Variants in RTKN2 observed in about 807,000 individuals in gnomAD.
RTKN2 encodes the protein rhotekin 2, also known as rhotekin-2.
Under a neutral mutation model 71.5 loss-of-function variants are expected in RTKN2, and 69 were observed. That is an observed-to-expected ratio of 0.96 (90% CI 0.79 to 1.18). The LOEUF (loss-of-function observed/expected upper bound fraction) is 1.18, where lower values mean the gene tolerates loss of function less well. Among genes scored for constraint, RTKN2 ranks in the 50% most tolerant of loss-of-function variants. The probability of loss-of-function intolerance (pLI) is 0.00; values close to 1 mark genes in which losing one functional copy is unlikely to be tolerated. For synonymous variants in RTKN2, 236 were observed against 236.5 expected (o/e 1.00, Z 0.02); for missense variants, 724 against 719.7 (o/e 1.01, Z -0.07).
intron 2 of RTKN2, among the ~76,000 whole-genome samples, chr10:62,254,317 ATTAG>A (rs1842635143): frequency 6.6e-6 from 1 of 151,956 alleles, no homozygotes; most frequent in African/African-American, 2.4e-5. Flanking sequence ...GCATTTCCCC[ATTAG>A]TTCGCTCGCT....
intron 7 of RTKN2, among the ~76,000 whole-genome samples, chr10:62,221,914 C>T (rs1400921746): frequency 6.6e-6 from 1 of 151,930 alleles, no homozygotes; most frequent in Non-Finnish European, 1.5e-5. Flanking sequence ...AAATTTAATG[C>T]CTATAAATCT....
At chr10:62,242,399 T>C (rs1842394811) in intron 3 of RTKN2, among the ~76,000 whole-genome samples, 1 of 152,200 alleles carries the variant, frequency 6.6e-6, no homozygotes, top group South Asian at 2.1e-4. Flanking sequence ...TACATTTTTA[T>C]TAAGGTTATT....
chr10:62,266,818 C>A (rs1461193018), intron 1 of RTKN2, among the ~76,000 whole-genome samples: 1 of 152,134 alleles, frequency 6.6e-6, no homozygotes, highest in Non-Finnish European at 1.5e-5. Context: ...GGCGGAATAC[C>A]CAAGCTACAA....
intron 2 of RTKN2, among the ~76,000 whole-genome samples, chr10:62,247,141 G>A (rs1416587322): frequency 6.6e-6 from 1 of 151,934 alleles, no homozygotes; most frequent in Non-Finnish European, 1.5e-5. Flanking sequence ...AAGACTGATG[G>A]GAGTTTGAAA....
chr10:62,262,874 A>T, intron 1 of RTKN2, 53 bp from the exon 2 acceptor site: 1 of 1,188,930 alleles, frequency 8.4e-7, no homozygotes, highest in Non-Finnish European at 1.2e-6. Flanking sequence ...ATTACATCTT[A>T]ACCCATAATA....
chr10:62,259,916 T>A (rs767778572), intron 2 of RTKN2, among the ~76,000 whole-genome samples: 3 of 152,232 alleles, frequency 2.0e-5, no homozygotes, highest in African/African-American at 4.8e-5. Flanking sequence ...CTATCCATCC[T>A]TCACAATCTA....
Position 62,202,004 on chromosome 10 carries a change from AT to A in RTKN2, c.1187-2144del, listed in dbSNP as rs563716864. Among the ~76,000 whole-genome samples, 15 of 152,234 alleles carry A rather than the reference AT, an allele frequency of 9.9e-5. No homozygotes were observed. The East Asian group carries it at 1.7e-3, about 18-fold the overall frequency. On this transcript the variant is annotated intron_variant, in intron 10 of 11. Transcript: ENST00000373789. ...TGTTATAGTGTTCCCAGTCAAAATA[AT>A]TTTTTATGCTAAGCTCCTAATGTAA...
chr10:62,233,223 T>C (rs1842187917), intron 6 of RTKN2, among the ~76,000 whole-genome samples: 1 of 152,282 alleles, frequency 6.6e-6, no homozygotes, highest in South Asian at 2.1e-4. Context: ...ATAGGAGCTT[T>C]GCTACTTAAA....
chr10:62,206,148 G>C (rs1841544409), intron 9 of RTKN2, among the ~76,000 whole-genome samples: 1 of 152,118 alleles, frequency 6.6e-6, no homozygotes, highest in African/African-American at 2.4e-5. Context: ...ATCTCGATCT[G>C]GACCAGCCAT....
chr10:62,186,050 T>C (rs1015337199), intron 8 of RTKN2, among the ~76,000 whole-genome samples: 1 of 152,228 alleles, frequency 6.6e-6, no homozygotes. Flanking sequence ...GGCTAGGATT[T>C]GAACCCAGGA....
intron 2 of RTKN2, among the ~76,000 whole-genome samples, chr10:62,258,708 A>C (rs916683664): frequency 2.0e-5 from 3 of 152,200 alleles, no homozygotes; most frequent in Non-Finnish European, 4.4e-5. Context: ...AAGAGAAACA[A>C]TGTTTTTATA....
At chr10:62,247,388 T>G in intron 2 of RTKN2, among the ~76,000 whole-genome samples, 1 of 151,948 alleles carries the variant, frequency 6.6e-6, no homozygotes, top group Non-Finnish European at 1.5e-5. Flanking sequence ...TATGAGATAT[T>G]TACATAGTAT....
chr10:62,254,203 GGGAGAGACCTGGT>G (rs1842632722), intron 2 of RTKN2, among the ~76,000 whole-genome samples: 1 of 152,196 alleles, frequency 6.6e-6, no homozygotes, highest in Non-Finnish European at 1.5e-5. Context: ...CCAGTGCTGG[GGGAGAGACCTGGT>G]GGGAGGTGAT....
chr10:62,191,609 T>G (rs1473223688), downstream of RTKN2, among the ~76,000 whole-genome samples: 1 of 152,174 alleles, frequency 6.6e-6, no homozygotes, highest in Non-Finnish European at 1.5e-5. Context: ...CAGACAGATT[T>G]ATGTTAGATA....
At chr10:62,250,426 A>T (rs1168482080) in intron 2 of RTKN2, among the ~76,000 whole-genome samples, 1 of 152,188 alleles carries the variant, frequency 6.6e-6, no homozygotes, top group African/African-American at 2.4e-5. Context: ...AAATTAACCA[A>T]CCAGCATCCC....
At chr10:62,186,747 C>A (rs897828111) in intron 8 of RTKN2, among the ~76,000 whole-genome samples, 1 of 138,982 alleles carries the variant, frequency 7.2e-6, no homozygotes, top group Non-Finnish European at 1.5e-5. Flanking sequence ...GTCAGAAAAA[C>A]ATTTTTTTTT....
intron 2 of RTKN2, among the ~76,000 whole-genome samples, chr10:62,256,248 C>G (rs1012767348): frequency 1.3e-5 from 2 of 152,104 alleles, no homozygotes; most frequent in African/African-American, 2.4e-5. Flanking sequence ...GTCTTGAACT[C>G]CTGGGCTACA....
chr10:62,196,409 C>A lies in RTKN2; in HGVS notation c.*1499G>T, dbSNP rs1188857844. 1.0e-6 allele frequency: 1 copy of A among 985,190 alleles called. No individual in the cohort carries two copies. The highest frequency in any genetic ancestry group is 6.2e-5 in the Admixed American group (1 of 16,242). The allele number at this position is 985,190 out of a possible 1,614,324, so 61.0% of individuals were successfully genotyped here. ...CACAAGAAACCTTTTGTTATCATTA[C>A]TCCCTCAAGATTCAATTCTTACTAG... On this transcript the variant is annotated 3_prime_UTR_variant, in exon 12 of 12. Transcript: ENST00000373789.
At position 62,198,267 on chromosome 10, in the gene RTKN2, T is replaced by C. The variant is rs1240286634; in HGVS notation, c.1471A>G (p.Ser491Gly). The C allele has an allele frequency of 6.2e-7, 1 of 1,614,052 alleles. No homozygotes were observed. Among genetic ancestry groups the C allele is most frequent in the Non-Finnish European group, 8.5e-7 (1 of 1,179,944 alleles). The change falls in exon 12 of 12, where the codon AGT (serine) becomes GGT (glycine). Residue 491 changes from serine (S) to glycine (G), a missense_variant. By Grantham distance (56) the Ser-to-Gly change is moderately conservative. Coordinates refer to ENST00000373789, the MANE Select transcript of RTKN2 (RefSeq NM_145307.4). ...VIQKKVLYPA[S>G]EPLHDEKGKK... ...CCTTTTTCATCATGTAATGGCTCAC[T>C]TGCAGGATACAGTACCTTTTTCTGG... is the stretch of plus-strand genomic sequence containing the variant.
Sources: gnomAD v4.1 joint callset for allele counts (sites outside exome capture counted in the v4.1 genomes callset) on GRCh38, gnomAD v4.1.1 for gene constraint, MANE v1.5 for transcripts, NCBI Gene and HGNC (gene_info 2026-07-23, HGNC 2026-07-21) for gene names.